Variants in CCR5AS observed in about 807,000 individuals in gnomAD.
CCR5AS encodes CCR5 antisense RNA.
At chr3:46,372,072 T>C (rs1701668915) in intron 2 of CCR5AS, among the ~76,000 whole-genome samples, 1 of 152,208 alleles carries the variant, frequency 6.6e-6, no homozygotes, top group Admixed American at 6.5e-5. Flanking sequence ...GTGAAAAATA[T>C]TTCCTGCCTC....
At chr3:46,376,013 A>C (rs535314315) in intron 2 of CCR5AS, 1 of 167,170 alleles carries the variant, frequency 6.0e-6, no homozygotes, top group Non-Finnish European at 1.5e-5. Context: ...GGCTGTCAGC[A>C]GGAAGCAACG....
rs988327206 is a variant in CCR5AS, at chr3:46,372,786, T to C, written n.392-1369A>G. ...AGAGTTAATTCAATGTAGACATCTATGTAGGCAATTAAAAACCTATTGATG... is the reference window on the plus strand; with the variant it reads ...AGAGTTAATTCAATGTAGACATCTACGTAGGCAATTAAAAACCTATTGATG... On this transcript the variant is annotated intron_variant and non_coding_transcript_variant, in intron 2 of 3. Coordinates refer to ENST00000451485, the Ensembl canonical transcript of CCR5AS. 10 of 760,944 alleles carry C rather than the reference T, an allele frequency of 1.3e-5. No individual in the cohort carries two copies. In the Admixed American group the frequency reaches 1.8e-4, roughly 13 times the overall value. 47.1% of individuals were successfully genotyped at this position (760,944 alleles called of 1,614,324 possible). A position where few individuals can be genotyped will look rare whatever the true frequency, so the allele number is the denominator to read the frequency against.
downstream of CCR5AS, among the ~76,000 whole-genome samples, chr3:46,364,097 T>C (rs1481080471): frequency 6.6e-6 from 1 of 152,230 alleles, no homozygotes; most frequent in African/African-American, 2.4e-5. Context: ...CTAGATAAGA[T>C]AATTGATGAA....
rs1259961094 is a variant in CCR5AS, at chr3:46,373,404, A to G, written n.392-1987T>C. On this transcript the variant is annotated intron_variant and non_coding_transcript_variant, in intron 2 of 3. Transcript: ENST00000451485. Reference sequence around the variant, plus strand: ...GTCTCTCCCAGGAATCATCTTTACCAGATCTCAAAAAGAAGGTCTTCATTA... The same window carrying G: ...GTCTCTCCCAGGAATCATCTTTACCGGATCTCAAAAAGAAGGTCTTCATTA... The G allele has an allele frequency of 3.7e-6, 6 of 1,612,380 alleles. No individual in the cohort carries two copies. In the Admixed American group the frequency reaches 1.0e-4, roughly 27 times the overall value.
intron 2 of CCR5AS, among the ~76,000 whole-genome samples, chr3:46,372,088 G>A (rs1450992486): frequency 1.3e-5 from 2 of 152,158 alleles, no homozygotes; most frequent in Non-Finnish European, 1.5e-5. Flanking sequence ...GCCTCATAAG[G>A]TTGCCCTAAG....
intron 1 of CCR5AS, among the ~76,000 whole-genome samples, chr3:46,393,865 A>G (rs1701937180): frequency 6.6e-6 from 1 of 152,252 alleles, no homozygotes; most frequent in African/African-American, 2.4e-5. Flanking sequence ...TCAGGGTTAA[A>G]TCGGCACAAA....
chr3:46,373,333 T>C, intron 2 of CCR5AS: 1 of 1,614,174 alleles, frequency 6.2e-7, no homozygotes, highest in Non-Finnish European at 8.5e-7. Context: ...ACGGTCACCT[T>C]TGGGGTGGTG....
At chr3:46,369,241 G>A (rs1217251205) in intron 3 of CCR5AS, among the ~76,000 whole-genome samples, 1 of 152,142 alleles carries the variant, frequency 6.6e-6, no homozygotes, top group African/African-American at 2.4e-5. Context: ...AAGGCACAGA[G>A]CTTCAATAAT....
At chr3:46,394,097 C>T (rs1701939211) in intron 1 of CCR5AS, among the ~76,000 whole-genome samples, 1 of 152,194 alleles carries the variant, frequency 6.6e-6, no homozygotes, top group African/African-American at 2.4e-5. Context: ...CAGAGGATGA[C>T]AGTTCCACCA....
At chr3:46,396,814 A>C (rs193058413) in intron 1 of CCR5AS, among the ~76,000 whole-genome samples, 16 of 152,260 alleles carry the variant, frequency 1.1e-4, no homozygotes, top group African/African-American at 3.9e-4. Flanking sequence ...GTCTCCTGGA[A>C]GCCCTCCCCA....
At chr3:46,368,783 C>T (rs1479260546) in intron 3 of CCR5AS, among the ~76,000 whole-genome samples, 1 of 152,188 alleles carries the variant, frequency 6.6e-6, no homozygotes, top group South Asian at 2.1e-4. Flanking sequence ...GAGCCTGCTC[C>T]GCTAGCCCAC....
At chr3:46,364,039 G>T (rs184420408), downstream of CCR5AS, among the ~76,000 whole-genome samples, 185 of 152,368 alleles carry the variant, frequency 1.2e-3, no homozygotes, top group Admixed American at 2.0e-3. Context: ...AATGCAAGAT[G>T]AAGCAGCAAG....
At chr3:46,395,973 A>C (rs143842330) in intron 1 of CCR5AS, among the ~76,000 whole-genome samples, 94 of 152,232 alleles carry the variant, frequency 6.2e-4, no homozygotes, top group African/African-American at 2.1e-3. Flanking sequence ...GAGGCTCTGG[A>C]GCCTCTGTGG....
intron 2 of CCR5AS, among the ~76,000 whole-genome samples, chr3:46,384,107 G>A (rs1701838081): frequency 6.6e-6 from 1 of 152,206 alleles, no homozygotes; most frequent in Admixed American, 6.5e-5. Context: ...TGCCTGCACA[G>A]AGAGAGGGGC....
chr3:46,377,927 G>A (rs1191394631), intron 2 of CCR5AS, among the ~76,000 whole-genome samples: 4 of 152,074 alleles, frequency 2.6e-5, no homozygotes, highest in African/African-American at 9.7e-5. Context: ...GGATGCTCTC[G>A]ATCTCCTGAC....
rs189392264 is a variant in CCR5AS at position 46,389,332 on chromosome 3, G to A, written n.391+3493C>T. On this transcript the variant is annotated intron_variant and non_coding_transcript_variant, in intron 2 of 3. Coordinates refer to ENST00000451485, the Ensembl canonical transcript of CCR5AS. ...AACAGTGAATCCAATGGGGAGGGTCGTGCAGACGGATGGCAGTTGGGGTGC... is the reference window on the plus strand; with the variant it reads ...AACAGTGAATCCAATGGGGAGGGTCATGCAGACGGATGGCAGTTGGGGTGC... Among the ~76,000 whole-genome samples the A allele has an allele frequency of 1.1e-3, 164 of 152,288 alleles. 1 individual carries two copies. The highest frequency in any genetic ancestry group is 3.7e-3 in the Admixed American group (57 of 15,292).
intron 1 of CCR5AS, among the ~76,000 whole-genome samples, chr3:46,402,722 G>A (rs979190581): frequency 1.3e-5 from 2 of 152,072 alleles, no homozygotes; most frequent in African/African-American, 4.8e-5. Flanking sequence ...TTGTTATTAT[G>A]CATTTAAACA....
intron 2 of CCR5AS, chr3:46,371,499 G>A (rs1701659338): frequency 1.3e-5 from 2 of 152,178 alleles, no homozygotes; most frequent in Admixed American, 1.3e-4. Flanking sequence ...GGCACAGTTA[G>A]TATATAATTC....
At chr3:46,388,552 C>T (rs1220687328) in intron 2 of CCR5AS, among the ~76,000 whole-genome samples, 2 of 152,120 alleles carry the variant, frequency 1.3e-5, no homozygotes, top group South Asian at 2.1e-4. Flanking sequence ...TTTTGGTCTC[C>T]ATCCTTGAGT....
Sources: gnomAD v4.1 joint callset for allele counts (sites outside exome capture counted in the v4.1 genomes callset) on GRCh38, gnomAD v4.1.1 for gene constraint, MANE v1.5 for transcripts, NCBI Gene and HGNC (gene_info 2026-07-23, HGNC 2026-07-21) for gene names.